Variants in CNTN5 observed in about 807,000 individuals in gnomAD.
CNTN5 encodes the protein contactin 5.
In CNTN5, 77 loss-of-function variants were observed where a neutral mutation model predicts 129.1. The ratio of observed to expected loss-of-function variants is 0.60; its 90% CI spans 0.50 to 0.72. CNTN5 has a LOEUF of 0.72. Among genes scored for constraint, CNTN5 ranks in the 30% least tolerant of loss-of-function variants. CNTN5 has a pLI of 0.00. For synonymous variants in CNTN5, 509 were observed against 465.6 expected (o/e 1.09, Z -1.20); for missense variants, 1,478 against 1,328.8 (o/e 1.11, Z -1.75).
At chr11:100,031,041 C>T (rs1776926876) in intron 9 of CNTN5, among the ~76,000 whole-genome samples, 1 of 152,124 alleles carries the variant, frequency 6.6e-6, no homozygotes, top group Admixed American at 6.5e-5. Context: ...CTACACTTTC[C>T]ACTGCACAGT....
intron 6 of CNTN5, among the ~76,000 whole-genome samples, chr11:99,915,685 A>G (rs1949770452): frequency 6.6e-6 from 1 of 152,198 alleles, no homozygotes; most frequent in Non-Finnish European, 1.5e-5. Context: ...TCCTCTAACC[A>G]GTTCTGTTTC....
At chr11:99,943,973 C>T (rs967535915) in intron 7 of CNTN5, among the ~76,000 whole-genome samples, 1 of 151,856 alleles carries the variant, frequency 6.6e-6, no homozygotes, top group Non-Finnish European at 1.5e-5. Flanking sequence ...AGCATTATGC[C>T]TCCAGCTTTG....
At chr11:99,656,446 C>T (rs634583) in intron 3 of CNTN5, among the ~76,000 whole-genome samples, 92,789 of 151,934 alleles carry the variant, frequency 0.61, 29,281 homozygotes, top group Admixed American at 0.7. Flanking sequence ...TGATGCAAAG[C>T]GCCAGGCGTA....
At chr11:99,097,222 A>G (rs1565314371) in intron 1 of CNTN5, among the ~76,000 whole-genome samples, 1 of 151,954 alleles carries the variant, frequency 6.6e-6, no homozygotes, top group African/African-American at 2.4e-5. Context: ...ATACAGTCCA[A>G]CAATTTTTTT....
chr11:99,445,452 G>A (rs1380465068), intron 2 of CNTN5, among the ~76,000 whole-genome samples: 1 of 151,956 alleles, frequency 6.6e-6, no homozygotes, highest in African/African-American at 2.4e-5. Flanking sequence ...CTGTTCAAAT[G>A]GCGCCTCCAG....
intron 6 of CNTN5, among the ~76,000 whole-genome samples, chr11:99,889,529 CTTTTTTTT>C (rs59095048): frequency 1.2e-4 from 15 of 128,302 alleles, no homozygotes; most frequent in Non-Finnish European, 2.0e-4. Context: ...ACTAGACATT[CTTTTTTTT>C]TTTTTTTTTT....
At chr11:99,234,412 T>C (rs138751451) in intron 1 of CNTN5, among the ~76,000 whole-genome samples, 1 of 152,250 alleles carries the variant, frequency 6.6e-6, no homozygotes, top group Non-Finnish European at 1.5e-5. Flanking sequence ...TAGCATTATG[T>C]GCACACATAG....
chr11:99,133,755 C>A (rs1446159963), intron 1 of CNTN5, among the ~76,000 whole-genome samples: 4 of 151,966 alleles, frequency 2.6e-5, no homozygotes, highest in African/African-American at 7.2e-5. Flanking sequence ...AGTCAAGAAA[C>A]AACAGATGCT....
intron 1 of CNTN5, among the ~76,000 whole-genome samples, chr11:99,060,274 C>T (rs1048703071): frequency 1.4e-4 from 22 of 151,942 alleles, no homozygotes; most frequent in African/African-American, 4.3e-4. Flanking sequence ...ATCTCAATAC[C>T]GGGCTTTTGA....
At chr11:99,198,217 T>C (rs905676147) in intron 1 of CNTN5, among the ~76,000 whole-genome samples, 1 of 152,158 alleles carries the variant, frequency 6.6e-6, no homozygotes, top group African/African-American at 2.4e-5. Context: ...CTCTATACTC[T>C]GGCCAGTGTT....
At chr11:99,889,892 C>T (rs1322130357) in intron 6 of CNTN5, among the ~76,000 whole-genome samples, 1 of 152,080 alleles carries the variant, frequency 6.6e-6, no homozygotes, top group Non-Finnish European at 1.5e-5. Context: ...GTTTTTGCTA[C>T]AGAAAATAAC....
At chr11:99,379,676 TA>T (rs1227673818) in intron 2 of CNTN5, among the ~76,000 whole-genome samples, 1 of 152,104 alleles carries the variant, frequency 6.6e-6, no homozygotes, top group Non-Finnish European at 1.5e-5. Flanking sequence ...TGTGTATTGT[TA>T]TATATATACA....
intron 24 of CNTN5, 116 bp downstream of exon 24, chr11:100,350,986 CCT>C (rs1383837452): frequency 1.0e-4 from 72 of 722,404 alleles, no homozygotes; most frequent in Middle Eastern, 5.2e-4. Context: ...AGGGATTTCT[CCT>C]CTCTGATTTT....
chr11:100,248,537 C>G (rs1405087010), intron 16 of CNTN5, among the ~76,000 whole-genome samples: 2 of 151,818 alleles, frequency 1.3e-5, no homozygotes, highest in Non-Finnish European at 1.5e-5. Flanking sequence ...CAGAATGAGA[C>G]CATGTCTCTA....
intron 2 of CNTN5, among the ~76,000 whole-genome samples, chr11:99,363,014 C>T (rs1939218010): frequency 6.6e-6 from 1 of 151,676 alleles, no homozygotes; most frequent in African/African-American, 2.4e-5. Flanking sequence ...CTTGAGATTC[C>T]ATGTGAATTT....
chr11:99,293,852 T>TA (rs1222623461), intron 1 of CNTN5, among the ~76,000 whole-genome samples: 1 of 152,004 alleles, frequency 6.6e-6, no homozygotes, highest in African/African-American at 2.4e-5. Context: ...TCCTTATCTT[T>TA]AAAAAACCAA....
At chr11:99,338,645 G>C (rs766020151) in intron 2 of CNTN5, among the ~76,000 whole-genome samples, 1 of 151,832 alleles carries the variant, frequency 6.6e-6, no homozygotes, top group Non-Finnish European at 1.5e-5. Flanking sequence ...GCTGATGTGA[G>C]GCTTAAAATC....
chr11:99,398,681 A>G (rs954519582), intron 2 of CNTN5, among the ~76,000 whole-genome samples: 3 of 151,936 alleles, frequency 2.0e-5, no homozygotes, highest in African/African-American at 4.8e-5. Flanking sequence ...TCAACACTTG[A>G]TAATTCATTT....
chr11:99,110,327 G>T (rs2135379995), intron 1 of CNTN5, among the ~76,000 whole-genome samples: 1 of 152,268 alleles, frequency 6.6e-6, no homozygotes, highest in East Asian at 1.9e-4. Context: ...GTGGTGAAAA[G>T]AAGTAATCAG....
Sources: gnomAD v4.1 joint callset for allele counts (sites outside exome capture counted in the v4.1 genomes callset) on GRCh38, gnomAD v4.1.1 for gene constraint, MANE v1.5 for transcripts, NCBI Gene and HGNC (gene_info 2026-07-23, HGNC 2026-07-21) for gene names.